HTR2C: variants seen among roughly 807,000 people sequenced by gnomAD.
The protein encoded by HTR2C is 5-hydroxytryptamine (serotonin) receptor 2C, G protein-coupled.
Under a neutral mutation model 21.0 loss-of-function variants are expected in HTR2C, and 5 were observed. That is an observed-to-expected ratio of 0.24 (90% confidence interval 0.12 to 0.50). HTR2C has a LOEUF of 0.50. Ranked by LOEUF, HTR2C falls within the 20% of genes least tolerant of loss-of-function variation. The pLI, the probability that HTR2C is intolerant of heterozygous loss-of-function variation, is 0.98. For missense variants in HTR2C, 271 were observed against 371.2 expected (o/e 0.73, Z 2.22); for synonymous variants, 150 against 145.3 (o/e 1.03, Z -0.23).
chrX:114,878,658 T>C (rs1173272107), intron 5 of HTR2C, among the ~76,000 whole-genome samples: 1 of 111,341 alleles, frequency 9.0e-6, no homozygotes, highest in Non-Finnish European at 1.9e-5. Context: ...TAATGTCTCA[T>C]TTAAATACTT....
intron 2 of HTR2C, among the ~76,000 whole-genome samples, chrX:114,695,625 G>T (rs1932257963): frequency 8.9e-6 from 1 of 111,876 alleles, no homozygotes; most frequent in Non-Finnish European, 1.9e-5. Context: ...GAAGAGCCAT[G>T]AATTTTTTAA....
At position 114,726,947 on chromosome X, in the gene HTR2C, T is replaced by C; in HGVS notation, c.11T>C (p.Leu4Pro). The C allele has an allele frequency of 8.8e-7, 1 of 1,132,129 alleles. No individual in the cohort carries two copies. Among genetic ancestry groups the C allele is most frequent in the Non-Finnish European group, 1.2e-6 (1 of 852,943 alleles). 93.3% of individuals were successfully genotyped at this position (1,132,129 alleles called of 1,213,427 possible). ...AAGACTGAAGCAATCATGGTGAACC[T>C]GAGGAATGCGGTGCATTCATTCCTG... MVN[L>P]RNAVHSFLVH... Residue 4 changes from leucine to proline, a missense_variant, in exon 3 of 6, where the codon CTG (leucine) becomes CCG (proline). Around this residue, in one of 5 missense-constraint regions of HTR2C, gnomAD observed 57 missense variants for 64.0 expected, o/e 0.89. Coordinates refer to ENST00000276198, the MANE Select transcript of HTR2C (RefSeq NM_000868.4).
chrX:114,628,055 T>G (rs1929449141), intron 2 of HTR2C, among the ~76,000 whole-genome samples: 1 of 112,142 alleles, frequency 8.9e-6, no homozygotes, highest in South Asian at 3.7e-4. Context: ...ATATCAAGAT[T>G]GCATGTAGCT....
At chrX:114,688,822 G>T (rs781802976) in intron 2 of HTR2C, among the ~76,000 whole-genome samples, 3 of 110,875 alleles carry the variant, frequency 2.7e-5, no homozygotes, top group Non-Finnish European at 5.7e-5. Flanking sequence ...TGGTGTTCCA[G>T]ACCACCATTT....
rs1314008478 is a variant in HTR2C at position 114,599,046 on chromosome X, A to G, written c.-147+14387A>G. On this transcript the variant is annotated intron_variant, in intron 1 of 5. Coordinates refer to ENST00000276198, the MANE Select transcript of HTR2C (RefSeq NM_000868.4). ...TGAAGCCTATGTAGCATATTAAATG[A>G]AAGCCTTTAAAAATTTGACTACATC... is the stretch of plus-strand genomic sequence containing the variant. Among the ~76,000 whole-genome samples, 3 of 111,610 alleles carry G rather than the reference A, an allele frequency of 2.7e-5. No homozygotes were observed. In the Admixed American group the frequency reaches 2.9e-4, roughly 11 times the overall value.
chrX:114,833,391 C>G (rs1192423468), intron 4 of HTR2C, among the ~76,000 whole-genome samples: 3 of 109,819 alleles, frequency 2.7e-5, no homozygotes, highest in Non-Finnish European at 3.8e-5. Flanking sequence ...TGTTATTGGT[C>G]TGTTCAGAGA....
chrX:114,710,609 G>T (rs1932877433), intron 2 of HTR2C, among the ~76,000 whole-genome samples: 1 of 111,584 alleles, frequency 9.0e-6, no homozygotes, highest in South Asian at 3.7e-4. Context: ...ACATCACTTG[G>T]TGTATAATAA....
At chrX:114,810,263 A>G (rs2070518482) in intron 4 of HTR2C, among the ~76,000 whole-genome samples, 1 of 111,259 alleles carries the variant, frequency 9.0e-6, no homozygotes, top group Admixed American at 9.6e-5. Flanking sequence ...TGATGCAAAC[A>G]TTCCCTTGGC....
chrX:114,837,362 G>A (rs921334551), intron 4 of HTR2C, among the ~76,000 whole-genome samples: 29 of 111,968 alleles, frequency 2.6e-4, no homozygotes, highest in Non-Finnish European at 3.6e-4. Context: ...CTCTTTAGAT[G>A]TAGATTTATA....
At chrX:114,807,152 ACCATATATATACC>A (rs1556450610) in intron 4 of HTR2C, among the ~76,000 whole-genome samples, 1 of 49,354 alleles carries the variant, frequency 2.0e-5, no homozygotes, top group African/African-American at 8.5e-5. Context: ...CCATATATAC[ACCATATATATACC>A]CCATATATAC....
At chrX:114,613,556 C>T (rs6655329) in intron 1 of HTR2C, among the ~76,000 whole-genome samples, 3,568 of 111,337 alleles carry the variant, frequency 0.032, 154 homozygotes, top group African/African-American at 0.11. Context: ...GAATGCAGCC[C>T]AATAGGTCTC....
intron 2 of HTR2C, among the ~76,000 whole-genome samples, chrX:114,644,354 AATAAATAAATATATATATAT>A (rs1193980916): frequency 7.5e-4 from 14 of 18,652 alleles, no homozygotes; most frequent in African/African-American, 2.2e-3. Flanking sequence ...AAAATAAATA[AATAAATAAATATATATATAT>A]ATATATATAT....
chrX:114,721,568 T>C (rs1933216913), intron 2 of HTR2C, among the ~76,000 whole-genome samples: 1 of 104,725 alleles, frequency 9.5e-6, no homozygotes, highest in African/African-American at 3.5e-5. Context: ...TTGCTTTTGG[T>C]GTTTTGGACA....
chrX:114,644,638 C>T (rs1556407205), intron 2 of HTR2C, among the ~76,000 whole-genome samples: 1 of 107,092 alleles, frequency 9.3e-6, no homozygotes, highest in African/African-American at 3.4e-5. Context: ...ATATCACCTA[C>T]TTATGGGATC....
chrX:114,611,112 T>G (rs1928708961), intron 1 of HTR2C, among the ~76,000 whole-genome samples: 1 of 111,740 alleles, frequency 8.9e-6, no homozygotes, highest in African/African-American at 3.3e-5. Context: ...AATCTTCCCC[T>G]AAGGGGGAAA....
chrX:114,905,730 A>C lies in HTR2C; in HGVS notation c.551-859A>C, dbSNP rs782123895. 3.6e-5 allele frequency among the ~76,000 whole-genome samples: 4 copies of C among 111,791 alleles called. No individual in the cohort carries two copies. In the East Asian group the frequency reaches 1.1e-3, roughly 32 times the overall value. On this transcript the variant is annotated intron_variant, in intron 5 of 5. Coordinates refer to ENST00000276198, the MANE Select transcript of HTR2C (RefSeq NM_000868.4). ...TGTATTGATGCAGGACCTCTTGAAGACCTACTGTGGTTATTTCTGAAAGCT... is the reference window on the plus strand; with the variant it reads ...TGTATTGATGCAGGACCTCTTGAAGCCCTACTGTGGTTATTTCTGAAAGCT...
chrX:114,905,340 C>G (rs1483702411), intron 5 of HTR2C, among the ~76,000 whole-genome samples: 3 of 111,932 alleles, frequency 2.7e-5, no homozygotes, highest in South Asian at 3.7e-4. Context: ...TTCTATCTTC[C>G]CAGAGATTAA....
chrX:114,768,825 T>C (rs192888007), intron 4 of HTR2C, among the ~76,000 whole-genome samples: 2 of 111,510 alleles, frequency 1.8e-5, no homozygotes, highest in East Asian at 5.6e-4. Context: ...CTTATGTAAA[T>C]GACTAAACAA....
intron 2 of HTR2C, among the ~76,000 whole-genome samples, chrX:114,679,937 T>G (rs1347449360): frequency 2.7e-5 from 3 of 112,125 alleles, no homozygotes; most frequent in Non-Finnish European, 5.6e-5. Flanking sequence ...TCATACTAAA[T>G]TCATAACTTT....
Sources: allele counts gnomAD v4.1 joint callset (sites outside exome capture counted in the v4.1 genomes callset), GRCh38; gene constraint gnomAD v4.1.1; regional missense constraint gnomAD v4.1.1; transcripts MANE v1.5; gene names NCBI Gene and HGNC (gene_info 2026-07-23, HGNC 2026-07-21).